Variants in MED13L observed in about 807,000 individuals in gnomAD.
The protein encoded by MED13L is mediator complex subunit 13L.
In MED13L, 7 loss-of-function variants were observed where a neutral mutation model predicts 220.9. That is an observed-to-expected ratio of 0.03 (90% confidence interval 0.02 to 0.06). The LOEUF (loss-of-function observed/expected upper bound fraction) is 0.06, where lower values mean the gene tolerates loss of function less well. Among genes scored for constraint, MED13L ranks in the 10% least tolerant of loss-of-function variants. The probability of loss-of-function intolerance (pLI) is 1.00; values close to 1 mark genes in which losing one functional copy is unlikely to be tolerated. For synonymous variants in MED13L, 1,011 were observed against 1,015.2 expected (o/e 1.00, Z 0.08); for missense variants, 1,965 against 2,760.5 (o/e 0.71, Z 6.46).
At chr12:116,122,052 C>T (rs1875148562) in intron 2 of MED13L, among the ~76,000 whole-genome samples, 1 of 152,012 alleles carries the variant, frequency 6.6e-6, no homozygotes, top group Non-Finnish European at 1.5e-5. Flanking sequence ...TGCCCACTGC[C>T]TTTGTTTTCA....
In MED13L at chr12:116,199,076, A is replaced by G. The variant is rs183914720; in HGVS notation, c.310+38392T>C. Among the ~76,000 whole-genome samples, 223 of 152,304 alleles carry G rather than the reference A, an allele frequency of 1.5e-3. 1 individual carries two copies. Among genetic ancestry groups the G allele is most frequent in the African/African-American group, 5.0e-3 (209 of 41,574 alleles). ...GGTTACTATCTGACCCATTTAGAGA[A>G]AAAGTTACCATGTTCTTATTTGCTT... On this transcript the variant is annotated intron_variant, in intron 2 of 30. Transcript: ENST00000281928.
intron 23 of MED13L, 104 bp from the exon 24 acceptor site, chr12:115,975,842 T>A: frequency 9.4e-7 from 1 of 1,067,798 alleles, no homozygotes; most frequent in Non-Finnish European, 1.4e-6. Context: ...GTAATGGTAG[T>A]AAATCGTTTC....
At chr12:116,238,680 G>C (rs1278350326) in intron 1 of MED13L, among the ~76,000 whole-genome samples, 1 of 152,156 alleles carries the variant, frequency 6.6e-6, no homozygotes, top group Non-Finnish European at 1.5e-5. Flanking sequence ...CCACTAGGTA[G>C]AAAACAGCCA....
intron 2 of MED13L, among the ~76,000 whole-genome samples, chr12:116,224,546 C>CA (rs1868767241): frequency 6.6e-6 from 1 of 152,138 alleles, no homozygotes; most frequent in African/African-American, 2.4e-5. Context: ...AAAATGTTTC[C>CA]AATTCATTTC....
chr12:116,215,587 C>T (rs951453631), intron 2 of MED13L, among the ~76,000 whole-genome samples: 18 of 152,092 alleles, frequency 1.2e-4, no homozygotes, highest in African/African-American at 4.3e-4. Context: ...TCCATAATGC[C>T]TCGCACAGTA....
chr12:116,009,569 G>T (rs962088803), intron 9 of MED13L, among the ~76,000 whole-genome samples: 1 of 152,104 alleles, frequency 6.6e-6, no homozygotes, highest in Non-Finnish European at 1.5e-5. Context: ...GGCTTGTAGT[G>T]CTGTAAATTG....
chr12:116,078,523 A>G (rs1045955088), intron 4 of MED13L, among the ~76,000 whole-genome samples: 2 of 152,202 alleles, frequency 1.3e-5, no homozygotes, highest in African/African-American at 4.8e-5. Flanking sequence ...TTCTCTGAAC[A>G]CTAATATCCC....
In MED13L at chr12:116,237,695, G is replaced by T; in HGVS notation, c.83C>A (p.Thr28Lys). The T allele has an allele frequency of 1.2e-6, 2 of 1,614,056 alleles. No individual in the cohort carries two copies. Among genetic ancestry groups the T allele is most frequent in the Non-Finnish European group, 1.7e-6 (2 of 1,179,968 alleles). The change falls in exon 2 of 31, where the codon ACG becomes AAG. Residue 28 changes from threonine to lysine, a missense_variant. Thr to Lys is a moderately conservative substitution (Grantham distance 78). Transcript: ENST00000281928. ...HSNLFSLAEL[T>K]GIKWRRYNFG... ...ATTGTACCTACGCCATTTGATTCCC[G>T]TGAGTTCAGCCTGGAAAAAGACAAA...
At chr12:116,218,214 G>A (rs73200234) in intron 2 of MED13L, among the ~76,000 whole-genome samples, 7,085 of 152,146 alleles carry the variant, frequency 0.047, 244 homozygotes, top group Middle Eastern at 0.071. Flanking sequence ...AATACTTTCT[G>A]CAAAAGCCAA....
At chr12:116,042,764 G>GT (rs1183545185) in intron 4 of MED13L, among the ~76,000 whole-genome samples, 3 of 151,880 alleles carry the variant, frequency 2.0e-5, no homozygotes, top group South Asian at 2.1e-4. Context: ...GGCTGATAGC[G>GT]TAAAAAAAAA....
At chr12:116,223,052 T>C (rs1868595664) in intron 2 of MED13L, among the ~76,000 whole-genome samples, 1 of 152,218 alleles carries the variant, frequency 6.6e-6, no homozygotes, top group Non-Finnish European at 1.5e-5. Flanking sequence ...TTCAGGACTT[T>C]CTCAGAGAGA....
intron 8 of MED13L, 87 bp from the exon 9 acceptor site, chr12:116,012,988 T>C: frequency 1.1e-6 from 1 of 927,236 alleles, no homozygotes; most frequent in South Asian, 1.3e-5. Flanking sequence ...ATACATTTCA[T>C]TCACATAGTA....
intron 1 of MED13L, among the ~76,000 whole-genome samples, chr12:116,260,457 G>C (rs1872425348): frequency 6.6e-6 from 1 of 152,102 alleles, no homozygotes; most frequent in Non-Finnish European, 1.5e-5. Context: ...TGAGGAAAAG[G>C]GGGTATGGAG....
chr12:116,274,938 A>G (rs980128197), intron 1 of MED13L, among the ~76,000 whole-genome samples: 4 of 151,872 alleles, frequency 2.6e-5, no homozygotes, highest in African/African-American at 9.7e-5. Flanking sequence ...TTGCTTCTCC[A>G]AAAGAATCTC....
intron 2 of MED13L, among the ~76,000 whole-genome samples, chr12:116,201,811 A>G (rs1354694983): frequency 6.6e-6 from 1 of 152,128 alleles, no homozygotes; most frequent in Non-Finnish European, 1.5e-5. Flanking sequence ...CATTACAAAT[A>G]TGTCTTTTTC....
At chr12:116,160,770 T>C (rs1039173826) in intron 2 of MED13L, among the ~76,000 whole-genome samples, 5 of 151,122 alleles carry the variant, frequency 3.3e-5, no homozygotes, top group Non-Finnish European at 7.4e-5. Flanking sequence ...TTTTTTTTTT[T>C]TGTAGAGACA....
intron 4 of MED13L, among the ~76,000 whole-genome samples, chr12:116,034,661 G>A (rs959173689): frequency 6.6e-6 from 1 of 152,020 alleles, no homozygotes; most frequent in Non-Finnish European, 1.5e-5. Flanking sequence ...CTCTTCCCAC[G>A]GAGATCTCTT....
intron 2 of MED13L, among the ~76,000 whole-genome samples, chr12:116,168,333 A>C (rs1431595799): frequency 7.7e-6 from 1 of 129,424 alleles, no homozygotes; most frequent in African/African-American, 3.4e-5. Flanking sequence ...TTTTCTGGCA[A>C]AAAAAAAAAA....
At chr12:116,174,332 G>A (rs1158193570) in intron 2 of MED13L, among the ~76,000 whole-genome samples, 2 of 152,098 alleles carry the variant, frequency 1.3e-5, no homozygotes. Context: ...CTGCCCAAGG[G>A]TAAATGATAA....
Sources: allele counts gnomAD v4.1 joint callset (sites outside exome capture counted in the v4.1 genomes callset), GRCh38; gene constraint gnomAD v4.1.1; transcripts MANE v1.5; gene names NCBI Gene and HGNC (gene_info 2026-07-23, HGNC 2026-07-21).